TGFA: variants seen among roughly 807,000 people sequenced by gnomAD.
TGFA encodes the protein protransforming growth factor alpha.
A neutral mutation model predicts 21.7 loss-of-function variants in TGFA; 12 were observed. The ratio of observed to expected loss-of-function variants is 0.55; its 90% confidence interval spans 0.35 to 0.90. The LOEUF is 0.90. Ranked by LOEUF, TGFA falls within the 40% of genes least tolerant of loss-of-function variation. The pLI, the probability that TGFA is intolerant of heterozygous loss-of-function variation, is 0.01. For synonymous variants in TGFA, 79 were observed against 88.1 expected (o/e 0.90, Z 0.58); for missense variants, 178 against 210.8 (o/e 0.84, Z 0.96).
At chr2:70,455,948 AG>A (rs1670214958) in intron 4 of TGFA, among the ~76,000 whole-genome samples, 1 of 152,254 alleles carries the variant, frequency 6.6e-6, no homozygotes, top group South Asian at 2.1e-4. Context: ...GTATTTGCAA[AG>A]TGACTTCTGC....
At chr2:70,545,546 G>A (rs761730261) in intron 1 of TGFA, among the ~76,000 whole-genome samples, 2 of 152,034 alleles carry the variant, frequency 1.3e-5, no homozygotes, top group African/African-American at 2.4e-5. Flanking sequence ...CTACTAACTG[G>A]TTAACTGTTT....
At chr2:70,492,943 T>C (rs1247394826) in intron 2 of TGFA, among the ~76,000 whole-genome samples, 1 of 152,208 alleles carries the variant, frequency 6.6e-6, no homozygotes, top group African/African-American at 2.4e-5. Context: ...TAAGACTAAT[T>C]CATTCTGATT....
intron 1 of TGFA, among the ~76,000 whole-genome samples, chr2:70,541,631 T>C (rs1289675724): frequency 1.3e-5 from 2 of 152,204 alleles, no homozygotes; most frequent in East Asian, 1.9e-4. Flanking sequence ...GCACGTGTTC[T>C]ATGAATGAGA....
At chr2:70,529,660 T>A (rs1672757491) in intron 1 of TGFA, among the ~76,000 whole-genome samples, 1 of 151,372 alleles carries the variant, frequency 6.6e-6, no homozygotes, top group Non-Finnish European at 1.5e-5. Flanking sequence ...GAAATGAGGC[T>A]GGAGAGATGC....
chr2:70,532,870 T>C (rs201205481), intron 1 of TGFA, among the ~76,000 whole-genome samples: 2 of 145,372 alleles, frequency 1.4e-5, no homozygotes, highest in African/African-American at 2.7e-5. Flanking sequence ...TTTTTCTTTT[T>C]TTTTTTTTTT....
intron 4 of TGFA, among the ~76,000 whole-genome samples, chr2:70,455,681 A>G (rs1490182492): frequency 1.4e-4 from 21 of 152,220 alleles, no homozygotes; most frequent in African/African-American, 1.9e-4. Flanking sequence ...ATAGTTCCAA[A>G]TGCTAGGAAT....
At chr2:70,505,872 C>T (rs142870716) in intron 2 of TGFA, among the ~76,000 whole-genome samples, 1 of 152,232 alleles carries the variant, frequency 6.6e-6, no homozygotes, top group East Asian at 1.9e-4. Flanking sequence ...ATTCTGATAA[C>T]GTAATTGGGC....
chr2:70,513,602 C>G (rs1321420631), intron 2 of TGFA, among the ~76,000 whole-genome samples: 1 of 152,154 alleles, frequency 6.6e-6, no homozygotes, highest in African/African-American at 2.4e-5. Flanking sequence ...CCAAGCGCAT[C>G]AAGGATAACA....
chr2:70,476,080 C>CAAAAAAAAAAAAAAA lies in TGFA; in HGVS notation c.95-10359_95-10345dup, dbSNP rs1175233983. 3.2e-4 allele frequency among the ~76,000 whole-genome samples: 18 copies of CAAAAAAAAAAAAAAA among 55,626 alleles called. 1 individual carries two copies. The highest frequency in any genetic ancestry group is 6.2e-4 in the African/African-American group (9 of 14,424). 36.5% of individuals were successfully genotyped at this position (55,626 alleles called of 152,430 possible). A position where few individuals can be genotyped will look rare whatever the true frequency, so the allele number is the denominator to read the frequency against. On this transcript the variant is annotated intron_variant, in intron 2 of 5. Transcript: ENST00000295400. ...CTACCTTGGTCTTAGTAATTTTAAG[C>CAAAAAAAAAAAAAAA]AAAAAAAAAAAAAAAAAAAAAAAAA...
intron 3 of TGFA, among the ~76,000 whole-genome samples, chr2:70,456,752 TA>T (rs1463681377): frequency 6.6e-6 from 1 of 152,242 alleles, no homozygotes; most frequent in African/African-American, 2.4e-5. Flanking sequence ...AATCCATGAC[TA>T]TTGTGACTGT....
intron 2 of TGFA, chr2:70,467,301 A>G (rs1670596838): frequency 6.6e-6 from 1 of 152,284 alleles, no homozygotes; most frequent in Middle Eastern, 3.4e-3. Context: ...TAATGGGGAG[A>G]GAGGAAAAAG....
intron 2 of TGFA, among the ~76,000 whole-genome samples, chr2:70,491,377 C>T (rs1324432971): frequency 6.6e-6 from 1 of 152,152 alleles, no homozygotes; most frequent in Non-Finnish European, 1.5e-5. Context: ...GCCCAAAACC[C>T]TCCCAACCCA....
intron 2 of TGFA, among the ~76,000 whole-genome samples, chr2:70,487,175 C>T (rs76323332): frequency 6.6e-6 from 1 of 152,292 alleles, no homozygotes; most frequent in East Asian, 1.9e-4. Flanking sequence ...CATGCAAAAG[C>T]CATTCACAGA....
intron 1 of TGFA, among the ~76,000 whole-genome samples, chr2:70,532,348 CT>C (rs2103906886): frequency 1.3e-5 from 2 of 152,286 alleles, no homozygotes; most frequent in East Asian, 3.9e-4. Flanking sequence ...AAGTTAATGA[CT>C]TTATCTTCAC....
At chr2:70,539,657 G>C (rs1553504974) in intron 1 of TGFA, among the ~76,000 whole-genome samples, 1 of 152,140 alleles carries the variant, frequency 6.6e-6, no homozygotes. Flanking sequence ...GTTTCAACAT[G>C]TTGGCCAGGC....
chr2:70,450,106 G>A lies in TGFA; in HGVS notation c.*753C>T, dbSNP rs1239109069. The A allele has an allele frequency of 6.6e-6, 1 of 152,280 alleles. No homozygotes were observed. Among genetic ancestry groups the A allele is most frequent in the Non-Finnish European group, 1.5e-5 (1 of 68,086 alleles). The allele number at this position is 152,280 out of a possible 1,614,324, so 9.4% of individuals were successfully genotyped here. A position where few individuals can be genotyped will look rare whatever the true frequency, so the allele number is the denominator to read the frequency against. On this transcript the variant is annotated 3_prime_UTR_variant, in exon 6 of 6. Coordinates refer to ENST00000295400, the MANE Select transcript of TGFA (RefSeq NM_003236.4). ...GGAAGACTTTTCCCAAGCCTTAGCT[G>A]TCTTGAAGAGGCCAGACATTTCTAA...
At chr2:70,494,281 C>A (rs571736075) in intron 2 of TGFA, among the ~76,000 whole-genome samples, 1 of 152,214 alleles carries the variant, frequency 6.6e-6, no homozygotes, top group African/African-American at 2.4e-5. Context: ...CTTAACCCCA[C>A]CTGCAAAGTC....
intron 2 of TGFA, among the ~76,000 whole-genome samples, chr2:70,498,619 G>A (rs1553498656): frequency 6.6e-6 from 1 of 152,110 alleles, no homozygotes; most frequent in Non-Finnish European, 1.5e-5. Context: ...AAGGTGGCAG[G>A]TGCAAAGGTG....
chr2:70,468,883 C>G (rs949411163), intron 2 of TGFA, among the ~76,000 whole-genome samples: 1 of 152,120 alleles, frequency 6.6e-6, no homozygotes, highest in Non-Finnish European at 1.5e-5. Context: ...ATAAAGTACA[C>G]AATAAATGTA....
Sources: allele counts gnomAD v4.1 joint callset (sites outside exome capture counted in the v4.1 genomes callset), GRCh38; gene constraint gnomAD v4.1.1; transcripts MANE v1.5; gene names NCBI Gene and HGNC (gene_info 2026-07-23, HGNC 2026-07-21).